Variants in ZDHHC24 observed in about 807,000 individuals in gnomAD.
ZDHHC24 encodes zDHHC palmitoyltransferase 24.
A neutral mutation model predicts 23.2 loss-of-function variants in ZDHHC24; 17 were observed. That is an observed-to-expected ratio of 0.73 (90% CI 0.50 to 1.10). The LOEUF is 1.10. ZDHHC24 is among the 50% of genes least tolerant of loss of function. ZDHHC24 has a pLI of 0.00. For missense variants in ZDHHC24, 366 were observed against 393.0 expected, an observed-to-expected ratio of 0.93 and a Z score of 0.58; for synonymous variants, 186 against 194.5, an observed-to-expected ratio of 0.96 and a Z score of 0.36.
chr11:66,537,664 C>T lies in ZDHHC24; in HGVS notation c.*1865G>A, dbSNP rs1270795633. 1.3e-5 allele frequency: 2 copies of T among 151,492 alleles called. No homozygotes were observed. Among genetic ancestry groups the T allele is most frequent in the Non-Finnish European group, 2.9e-5 (2 of 67,958 alleles). 9.4% of individuals were successfully genotyped at this position (151,492 alleles called of 1,614,324 possible). A position where few individuals can be genotyped will look rare whatever the true frequency, so the allele number is the denominator to read the frequency against. On this transcript the variant is annotated 3_prime_UTR_variant, in exon 3 of 3. Transcript: ENST00000310442. ...TCCTGGCCGGCCAGGAGTGGTGGCT[C>T]ACACCTGTAATCCCAGCACTTTGGG...
rs770706558 is a variant in ZDHHC24, at chr11:66,539,638, A to G, written c.746T>C (p.Leu249Pro). The change falls in exon 3 of 3, where the codon CTG becomes CCG. Residue 249 changes from leucine to proline, a missense_variant. By Grantham distance (98) the Leu-to-Pro change is moderately conservative (BLOSUM62 -3). Transcript: ENST00000310442. The part of the protein sequence containing the change: ...LGPCHNLQAA[L>P]GPRWALVWLW... ...CCAGACGAGGGCCCAGCGGGGCCCC[A>G]GGGCTGCCTGCAGGTTGTGGCAGGG... is the stretch of plus-strand genomic sequence containing the variant. 1.9e-6 allele frequency: 3 copies of G among 1,612,536 alleles called. No homozygotes were observed. In the Admixed American group the frequency reaches 5.0e-5, roughly 27 times the overall value.
In ZDHHC24 at chr11:66,523,888, C is replaced by T; in HGVS notation, c.*22-2422G>A. ...TCAATGTCATCCACACCCCGGTGAGCCCCATCTCCGGCATCTGCCACTCAC... is the reference window on the plus strand; with the variant it reads ...TCAATGTCATCCACACCCCGGTGAGTCCCATCTCCGGCATCTGCCACTCAC... On this transcript the variant is annotated intron_variant, in intron 4 of 4. Transcript: ENST00000526986. 1.2e-6 allele frequency: 2 copies of T among 1,612,614 alleles called. No homozygotes were observed. The highest frequency in any genetic ancestry group is 1.7e-6 in the Non-Finnish European group (2 of 1,180,018).
chr11:66,520,848 C>T (rs977628461), downstream of ZDHHC24: 6 of 306,198 alleles, frequency 2.0e-5, no homozygotes, highest in East Asian at 3.5e-4. Flanking sequence ...GTCCTCTCAC[C>T]TCATCTTCTC....
intron 2 of ZDHHC24, among the ~76,000 whole-genome samples, chr11:66,540,235 C>G (rs753058227): frequency 6.6e-6 from 1 of 151,880 alleles, no homozygotes; most frequent in Non-Finnish European, 1.5e-5. Context: ...CTTGACAACA[C>G]GGTAAAACCC....
intron 4 of ZDHHC24, chr11:66,523,847 C>G: frequency 6.2e-7 from 1 of 1,613,590 alleles, no homozygotes; most frequent in Non-Finnish European, 8.5e-7. Flanking sequence ...CCGCATTTAT[C>G]GTGACAAGGC....
chr11:66,532,317 G>A, downstream of ZDHHC24: 1 of 510,520 alleles, frequency 2.0e-6, no homozygotes, highest in East Asian at 3.4e-5. Context: ...AACCATACTG[G>A]GCTCAGATCA....
At chr11:66,539,978 C>T (rs534471903) in intron 2 of ZDHHC24, among the ~76,000 whole-genome samples, 154 bp from the exon 3 acceptor site, 48 of 152,328 alleles carry the variant, frequency 3.2e-4, no homozygotes, top group African/African-American at 1.1e-3. Flanking sequence ...GACAAGAACG[C>T]ACTGGTAAAC....
chr11:66,521,404 G>A (rs1013081160), exon 5 of ZDHHC24: 7 of 1,571,400 alleles, frequency 4.5e-6, no homozygotes, highest in Admixed American at 1.7e-5. Flanking sequence ...CTCCGGGGCC[G>A]GGAGGAACAT....
chr11:66,531,724 C>T (rs1439272525), downstream of ZDHHC24: 3 of 1,614,068 alleles, frequency 1.9e-6, no homozygotes, highest in South Asian at 3.3e-5. Context: ...GTAACAAGGG[C>T]ATCTCAGACA....
intron 1 of ZDHHC24, among the ~76,000 whole-genome samples, chr11:66,544,415 T>C (rs1452848160): frequency 1.3e-5 from 2 of 152,210 alleles, no homozygotes; most frequent in Non-Finnish European, 2.9e-5. Flanking sequence ...TTCTCCAATT[T>C]ATTTCTAGTA....
At position 66,536,112 on chromosome 11, in the gene ZDHHC24, G is replaced by A. The variant is rs1401856241; in HGVS notation, c.*3417C>T. ...TAATAAAACTATAAAGCAAAGCAAC[G>A]GAATGACTGAAACAGGACAGTGTCT... On this transcript the variant is annotated 3_prime_UTR_variant, in exon 3 of 3. Coordinates refer to ENST00000310442, the MANE Select transcript of ZDHHC24 (RefSeq NM_207340.3). The A allele has an allele frequency of 2.0e-5, 3 of 152,382 alleles. No homozygotes were observed. The highest frequency in any genetic ancestry group is 6.5e-5 in the Admixed American group (1 of 15,274). The allele number at this position is 152,382 out of a possible 1,614,324, so 9.4% of individuals were successfully genotyped here.
downstream of ZDHHC24, chr11:66,532,047 T>A (rs765633556): frequency 3.8e-6 from 6 of 1,593,922 alleles, no homozygotes; most frequent in Non-Finnish European, 5.1e-6. Context: ...AGACCTGAGC[T>A]GCTGTGAAAG....
chr11:66,524,117 TAAAAATAC>T (rs1856379068), intron 4 of ZDHHC24: 2 of 563,008 alleles, frequency 3.6e-6, no homozygotes, highest in African/African-American at 3.8e-5. Flanking sequence ...CCCTTGCTAC[TAAAAATAC>T]AAAAATTAGC....
chr11:66,525,728 G>A (rs1212407507), intron 4 of ZDHHC24, among the ~76,000 whole-genome samples: 7 of 152,202 alleles, frequency 4.6e-5, no homozygotes, highest in Non-Finnish European at 1.0e-4. Context: ...GAAAAGGCGG[G>A]TTGGAGTCAA....
chr11:66,526,904 G>A, intron 4 of ZDHHC24: 2 of 1,610,282 alleles, frequency 1.2e-6, no homozygotes, highest in Non-Finnish European at 8.5e-7. Flanking sequence ...TGCACTGGGA[G>A]GAGATCTCGG....
chr11:66,539,460 T>TA lies in ZDHHC24; in HGVS notation c.*68dup, dbSNP rs1857079620. ...ATGTTAAGGTCCAACCCGACTTCCT[T>TA]ACTGAGTCTAGGTGTGGGGGCCCCC... On this transcript the variant is annotated 3_prime_UTR_variant, in exon 3 of 3. Transcript: ENST00000310442. 3 of 1,458,268 alleles carry TA rather than the reference T, an allele frequency of 2.1e-6. No individual in the cohort carries two copies. Among genetic ancestry groups the TA allele is most frequent in the Non-Finnish European group, 2.7e-6 (3 of 1,106,816 alleles). The allele number at this position is 1,458,268 out of a possible 1,614,324, so 90.3% of individuals were successfully genotyped here. A position where few individuals can be genotyped will look rare whatever the true frequency, so the allele number is the denominator to read the frequency against.
intron 3 of ZDHHC24, chr11:66,527,423 C>T (rs1228305486): frequency 7.7e-6 from 2 of 259,336 alleles, no homozygotes; most frequent in Non-Finnish European, 1.5e-5. Context: ...GTAATCCCAC[C>T]ACTTTGGGAG....
chr11:66,523,988 C>A, intron 4 of ZDHHC24: 1 of 1,526,564 alleles, frequency 6.6e-7, no homozygotes, highest in Non-Finnish European at 8.9e-7. Context: ...ATTTCAAAAA[C>A]ATTTGTTGAG....
At chr11:66,530,646 G>T (rs1280904997), downstream of ZDHHC24, among the ~76,000 whole-genome samples, 2 of 152,134 alleles carry the variant, frequency 1.3e-5, no homozygotes, top group Non-Finnish European at 2.9e-5. Flanking sequence ...AGGGGCTCAG[G>T]TGAGAGTCGG....
Sources: allele counts gnomAD v4.1 joint callset (sites outside exome capture counted in the v4.1 genomes callset), GRCh38; gene constraint gnomAD v4.1.1; transcripts MANE v1.5; gene names NCBI Gene and HGNC (gene_info 2026-07-23, HGNC 2026-07-21).